MKLN1: variants seen among roughly 807,000 people sequenced by gnomAD.
MKLN1 encodes muskelin 1.
Under a neutral mutation model 99.0 loss-of-function variants are expected in MKLN1, and 18 were observed. That is an observed-to-expected ratio of 0.18 (90% CI 0.13 to 0.27). The LOEUF is 0.27. Ranked by LOEUF, MKLN1 falls within the 10% of genes least tolerant of loss-of-function variation. The pLI is 1.00. For missense variants in MKLN1, 621 were observed against 875.9 expected, an observed-to-expected ratio of 0.71 and a Z score of 3.67; for synonymous variants, 288 against 293.2, an observed-to-expected ratio of 0.98 and a Z score of 0.18.
chr7:131,121,506 C>T (rs1034549508), intron 1 of MKLN1, among the ~76,000 whole-genome samples: 13 of 151,680 alleles, frequency 8.6e-5, no homozygotes, highest in East Asian at 7.7e-4. Context: ...GGTGTGGTGG[C>T]GGGTGCCTGC....
At chr7:131,418,888 C>T (rs1023162690) in intron 8 of MKLN1, among the ~76,000 whole-genome samples, 16 of 152,164 alleles carry the variant, frequency 1.1e-4, no homozygotes, top group African/African-American at 3.6e-4. Context: ...ATAGGAAAAG[C>T]TCTGAACTTT....
At chr7:131,181,649 A>G (rs1796377937) in intron 2 of MKLN1, among the ~76,000 whole-genome samples, 1 of 150,708 alleles carries the variant, frequency 6.6e-6, no homozygotes, top group South Asian at 2.1e-4. Flanking sequence ...ACATGGTGAA[A>G]CCTCATCCCT....
chr7:131,374,192 C>T (rs1356703860), intron 1 of MKLN1, among the ~76,000 whole-genome samples: 1 of 152,012 alleles, frequency 6.6e-6, no homozygotes, highest in African/African-American at 2.4e-5. Flanking sequence ...ATTCCCTTAC[C>T]TGGCTCTGGA....
chr7:131,358,186 G>GT (rs1355683680), intron 1 of MKLN1, among the ~76,000 whole-genome samples: 2 of 152,098 alleles, frequency 1.3e-5, no homozygotes, highest in Non-Finnish European at 2.9e-5. Context: ...TAGGTGTTTT[G>GT]TAGGTACTCT....
intron 1 of MKLN1, among the ~76,000 whole-genome samples, chr7:131,112,116 A>C (rs1404122722): frequency 1.3e-5 from 2 of 152,254 alleles, no homozygotes; most frequent in East Asian, 3.8e-4. Flanking sequence ...ATTCTGATGT[A>C]GATAATTTGT....
chr7:131,128,977 T>A (rs1246809160), intron 1 of MKLN1, among the ~76,000 whole-genome samples: 1 of 150,642 alleles, frequency 6.6e-6, no homozygotes, highest in Non-Finnish European at 1.5e-5. Context: ...TTTATGTATA[T>A]GACAAGCGGT....
At chr7:131,115,946 A>G (rs1795270940) in intron 1 of MKLN1, among the ~76,000 whole-genome samples, 2 of 152,120 alleles carry the variant, frequency 1.3e-5, no homozygotes, top group Non-Finnish European at 2.9e-5. Flanking sequence ...TTTATCACAT[A>G]CGGTTGAAAA....
In MKLN1 at chr7:131,443,554, A is replaced by T; in HGVS notation, c.1247A>T (p.Asp416Val). The T allele has an allele frequency of 6.2e-7, 1 of 1,614,164 alleles. No individual in the cohort carries two copies. The highest frequency in any genetic ancestry group is 1.1e-5 in the South Asian group (1 of 91,090). The change falls in exon 11 of 18, where the codon GAT (aspartate) becomes GTT (valine). Residue 416 changes from aspartate to valine, a missense_variant. Around this residue, in one of 8 missense-constraint regions of MKLN1, gnomAD observed 361 missense variants for 540.8 expected, o/e 0.67. Coordinates refer to ENST00000352689, the MANE Select transcript of MKLN1 (RefSeq NM_013255.5). ...ATTTTGACTTGTAATGGCAGCGTAGATGACAGCAGAGCCAGTGAACCACAA... is the reference window on the plus strand; with the variant it reads ...ATTTTGACTTGTAATGGCAGCGTAGTTGACAGCAGAGCCAGTGAACCACAA... ...GRILTCNGSV[D>V]DSRASEPQFS... is the part of the protein sequence containing the mutation.
intron 2 of MKLN1, among the ~76,000 whole-genome samples, chr7:131,172,506 AGG>A (rs1254959551): frequency 8.3e-6 from 1 of 120,010 alleles, no homozygotes; most frequent in South Asian, 3.7e-4. Flanking sequence ...TAGTAGAGAC[AGG>A]GTTTCACCAT....
At chr7:131,194,447 A>G (rs1796613068) in intron 2 of MKLN1, among the ~76,000 whole-genome samples, 1 of 152,260 alleles carries the variant, frequency 6.6e-6, no homozygotes, top group South Asian at 2.1e-4. Flanking sequence ...ATGAGTGCAT[A>G]TAACAGGTGA....
At chr7:131,332,329 A>G (rs1284281357) in intron 1 of MKLN1, among the ~76,000 whole-genome samples, 2 of 148,474 alleles carry the variant, frequency 1.3e-5, no homozygotes, top group Admixed American at 6.7e-5. Flanking sequence ...GTGCATAGTT[A>G]TATATTATTA....
intron 3 of MKLN1, among the ~76,000 whole-genome samples, chr7:131,307,785 G>A (rs543848936): frequency 4.6e-5 from 7 of 152,238 alleles, no homozygotes; most frequent in Non-Finnish European, 8.8e-5. Context: ...TAGGCAGAAG[G>A]GACTTACCTT....
intron 2 of MKLN1, among the ~76,000 whole-genome samples, chr7:131,186,204 C>T (rs138184280): frequency 5.9e-4 from 90 of 151,688 alleles, no homozygotes; most frequent in African/African-American, 2.1e-3. Context: ...AACAAACAAA[C>T]AAACAGCCTC....
At chr7:131,144,770 G>A (rs1795793095) in intron 2 of MKLN1, among the ~76,000 whole-genome samples, 1 of 151,964 alleles carries the variant, frequency 6.6e-6, no homozygotes, top group Admixed American at 6.6e-5. Flanking sequence ...CTGAGATCAG[G>A]AGTTCAAGAC....
At chr7:131,338,460 G>T (rs1799313017) in intron 1 of MKLN1, among the ~76,000 whole-genome samples, 1 of 152,258 alleles carries the variant, frequency 6.6e-6, no homozygotes, top group African/African-American at 2.4e-5. Flanking sequence ...TGCACAGAAT[G>T]TCAGATACCC....
At chr7:131,464,551 A>G (rs1425144372) in intron 14 of MKLN1, 143 bp downstream of exon 14, 14 of 524,894 alleles carry the variant, frequency 2.7e-5, no homozygotes, top group Non-Finnish European at 4.5e-5. Flanking sequence ...CAAACACCCA[A>G]TATCACTTCT....
intron 3 of MKLN1, among the ~76,000 whole-genome samples, chr7:131,269,634 A>G (rs1044991607): frequency 3.9e-5 from 6 of 152,158 alleles, no homozygotes; most frequent in Admixed American, 6.5e-5. Context: ...TGTATTTTTC[A>G]CGGTTGTCAT....
At position 131,411,400 on chromosome 7, in the gene MKLN1, A is replaced by G; in HGVS notation, c.781+17A>G. On this transcript the variant is annotated intron_variant, in intron 7 of 17. Transcript: ENST00000352689. Reference sequence around the variant, plus strand: ...GTACCAAAGGTAAGCCATACCTTCTAGATTGTAGTTCTTTTTCATTAATGT... The same window carrying G: ...GTACCAAAGGTAAGCCATACCTTCTGGATTGTAGTTCTTTTTCATTAATGT... 1.3e-6 allele frequency: 2 copies of G among 1,522,424 alleles called. No homozygotes were observed. Among genetic ancestry groups the G allele is most frequent in the Non-Finnish European group, 1.8e-6 (2 of 1,096,794 alleles). The allele number at this position is 1,522,424 out of a possible 1,614,324, so 94.3% of individuals were successfully genotyped here. A position where few individuals can be genotyped will look rare whatever the true frequency, so the allele number is the denominator to read the frequency against.
At chr7:131,469,827 TTTG>T (rs1381392389) in intron 15 of MKLN1, among the ~76,000 whole-genome samples, 3 of 152,170 alleles carry the variant, frequency 2.0e-5, no homozygotes, top group Non-Finnish European at 4.4e-5. Context: ...CTTATAGATT[TTTG>T]TTGTTGTTTA....
Sources: allele counts gnomAD v4.1 joint callset (sites outside exome capture counted in the v4.1 genomes callset), GRCh38; gene constraint gnomAD v4.1.1; regional missense constraint gnomAD v4.1.1; transcripts MANE v1.5; gene names NCBI Gene and HGNC (gene_info 2026-07-23, HGNC 2026-07-21).